Variants in U2AF1L4 observed in about 807,000 individuals in gnomAD.
U2AF1L4 encodes the protein splicing factor U2AF 26 kDa subunit.
Under a neutral mutation model 21.7 loss-of-function variants are expected in U2AF1L4, and 21 were observed. The ratio of observed to expected loss-of-function variants is 0.97; its 90% CI spans 0.69 to 1.39. The LOEUF (loss-of-function observed/expected upper bound fraction) is 1.39. Among genes scored for constraint, U2AF1L4 ranks in the 40% most tolerant of loss-of-function variants. U2AF1L4 has a pLI of 0.00. For synonymous variants in U2AF1L4, 92 were observed against 89.7 expected (o/e 1.03, Z -0.15); for missense variants, 259 against 245.7 (o/e 1.05, Z -0.36).
intron 2 of U2AF1L4, 23 bp from the exon 3 acceptor site, chr19:35,744,444 C>T: frequency 1.2e-6 from 2 of 1,614,090 alleles, no homozygotes; most frequent in Non-Finnish European, 1.7e-6. Context: ...GGGAGGAACT[C>T]AGCTGAGCTC....
Position 35,744,320 on chromosome 19 carries a change from C to T in U2AF1L4, c.231+3G>A. On this transcript the variant is annotated splice_donor_region_variant and intron_variant, in intron 3 of 5. Transcript: ENST00000378975. ...TGGGCCCTAAGTGGGGGGCAGCAAG[C>T]ACCTTGACATAGACGTTGCCCACGA... The T allele has an allele frequency of 6.2e-7, 1 of 1,614,062 alleles. No individual in the cohort carries two copies. Among genetic ancestry groups the T allele is most frequent in the Non-Finnish European group, 8.5e-7 (1 of 1,179,986 alleles).
chr19:35,745,309 C>T (rs1475824154), intron 1 of U2AF1L4, 39 bp downstream of exon 1: 10 of 1,601,044 alleles, frequency 6.2e-6, no homozygotes, highest in South Asian at 1.1e-5. Context: ...TACCCCGGCC[C>T]CGACCCCCCG....
rs996778934 is a variant in U2AF1L4, at chr19:35,744,837, C to T, written c.132+288G>A. The T allele has an allele frequency of 3.7e-5, 36 of 985,636 alleles. 1 individual carries two copies. Among genetic ancestry groups the T allele is most frequent in the South Asian group, 5.9e-5 (4 of 68,268 alleles). 61.1% of individuals were successfully genotyped at this position (985,636 alleles called of 1,614,324 possible). ...TCGGCGATCCTTTGCCCCTAAGAAA[C>T]CAGAAAAGGGATGGAGGGGACTGGC... On this transcript the variant is annotated intron_variant, in intron 2 of 5. Coordinates refer to ENST00000378975, the MANE Select transcript of U2AF1L4 (RefSeq NM_001040425.3).
At position 35,744,506 on chromosome 19, in the gene U2AF1L4, A is replaced by G. The variant is rs1970470204; in HGVS notation, c.133-85T>C. The G allele has an allele frequency of 3.1e-6, 5 of 1,608,244 alleles. No individual in the cohort carries two copies. The South Asian group carries it at 4.4e-5, about 14-fold the overall frequency. On this transcript the variant is annotated intron_variant, in intron 2 of 5. Transcript: ENST00000378975. The stretch of plus-strand genomic sequence containing the variant: ...CAACCCTCACCTCGAAGAAGCTATC[A>G]TAGTGCTCCTGCACCTCCACGTCAC...
rs780697850 is a variant in U2AF1L4 at position 35,745,404 on chromosome 19, C to T, written c.-13G>A. 3.7e-6 allele frequency: 6 copies of T among 1,614,182 alleles called. No homozygotes were observed. Among genetic ancestry groups the T allele is most frequent in the African/African-American group, 1.3e-5 (1 of 75,054 alleles). On this transcript the variant is annotated 5_prime_UTR_variant, in exon 1 of 6. Transcript: ENST00000378975. ...AATATTCAGCCATTTTTACCCAAGC[C>T]CTCCAGGTCTGGCTGCTCTTACGTC...
Position 35,745,134 on chromosome 19 carries a change from T to C in U2AF1L4, c.123A>G (p.Thr41=). Residue 41 remains threonine, a synonymous_variant, in exon 2 of 6, where the codon ACA becomes ACG. Coordinates refer to ENST00000378975, the MANE Select transcript of U2AF1L4 (RefSeq NM_001040425.3). The stretch of plus-strand genomic sequence containing the variant: ...CCGTGCCGGGTCTCACCTGGCTGAA[T>C]GTCGGCTTGTTGTGAAGCCGGGAGC... ...DRCSRLHNKP[T]FSQEVFTELQ... 1 of 1,613,308 alleles carries C rather than the reference T, an allele frequency of 6.2e-7. No individual in the cohort carries two copies.
rs202218746 is a variant in U2AF1L4 at position 35,742,709 on chromosome 19, G to T, written c.*10C>A. ...CCCTGTTGGGGGTGAAGGGTAAGGG[G>T]GCCAGGGCCTCAGAAGCGGCCATGC... On this transcript the variant is annotated 3_prime_UTR_variant, in exon 6 of 6. Transcript: ENST00000378975. 4 of 1,610,894 alleles carry T rather than the reference G, an allele frequency of 2.5e-6. No homozygotes were observed. The South Asian group carries it at 4.4e-5, about 18-fold the overall frequency.
At position 35,744,086 on chromosome 19, in the gene U2AF1L4, G is replaced by A. The variant is rs753895506; in HGVS notation, c.291C>T (p.Asn97=). The part of the protein sequence containing the change: ...AVAELSNRWF[N]GQAVHGELSP... ...ACAGCTCACCGTGCACAGCCTGCCCGTTGAACCAGCGGTTACTGAGTTCAG... is the reference window on the plus strand; with the variant it reads ...ACAGCTCACCGTGCACAGCCTGCCCATTGAACCAGCGGTTACTGAGTTCAG... The change falls in exon 4 of 6, where the codon AAC becomes AAT. Residue 97 remains asparagine (N), a synonymous_variant. Coordinates refer to ENST00000378975, the MANE Select transcript of U2AF1L4 (RefSeq NM_001040425.3). 4.3e-6 allele frequency: 7 copies of A among 1,613,862 alleles called. No homozygotes were observed. The highest frequency in any genetic ancestry group is 2.7e-5 in the African/African-American group (2 of 74,892).
rs573498199 is a variant in U2AF1L4, at chr19:35,745,414, T to G, written c.-23A>C. ...CATTTTTACCCAAGCCCTCCAGGTC[T>G]GGCTGCTCTTACGTCACTTCCGTTG... is the stretch of plus-strand genomic sequence containing the variant. On this transcript the variant is annotated 5_prime_UTR_variant, in exon 1 of 6. Transcript: ENST00000378975. 1 of 1,614,194 alleles carries G rather than the reference T, an allele frequency of 6.2e-7. No individual in the cohort carries two copies. Among genetic ancestry groups the G allele is most frequent in the African/African-American group, 1.3e-5 (1 of 75,070 alleles).
intron 2 of U2AF1L4, 166 bp downstream of exon 2, chr19:35,744,959 G>T: frequency 2.6e-6 from 2 of 768,440 alleles, no homozygotes; most frequent in South Asian, 1.8e-5. Context: ...CGGGAAAACG[G>T]CACGAAGACC....
At chr19:35,745,065 G>T in intron 2 of U2AF1L4, 60 bp downstream of exon 2, 1 of 1,522,114 alleles carries the variant, frequency 6.6e-7, no homozygotes. Context: ...GGTGACGACG[G>T]CCCCAGAAGG....
chr19:35,745,074 G>T (rs1295338456), intron 2 of U2AF1L4, 51 bp downstream of exon 2: 2 of 1,562,726 alleles, frequency 1.3e-6, no homozygotes, highest in Non-Finnish European at 1.8e-6. Flanking sequence ...GGCCCCAGAA[G>T]GGGAAGGGCC....
rs231597 is a variant in U2AF1L4 at position 35,745,219 on chromosome 19, A to G, written c.45-7T>C. ...GTAAAAAGAGCAGTTAACCCTGGAA[A>G]AGGTGCAAAGACAAAGGTGAACCGA... On this transcript the variant is annotated splice_polypyrimidine_tract_variant and splice_region_variant and intron_variant, in intron 1 of 5. Transcript: ENST00000378975. 0.95 allele frequency: 1,532,365 copies of G among 1,613,270 alleles called. 728,271 individuals are homozygous for G. Among genetic ancestry groups the G allele is most frequent in the East Asian group, 1 (44,862 of 44,864 alleles).
chr19:35,743,330 G>A (rs1397262514), intron 5 of U2AF1L4: 7 of 225,526 alleles, frequency 3.1e-5, no homozygotes, highest in Admixed American at 7.3e-5. Flanking sequence ...CCAAGACTGC[G>A]CCTTTGCACT....
chr19:35,744,241 T>A, intron 3 of U2AF1L4, 82 bp downstream of exon 3: 1 of 1,606,610 alleles, frequency 6.2e-7, no homozygotes, highest in Non-Finnish European at 8.5e-7. Flanking sequence ...AGTGATGAAA[T>A]TCAAGCTGAG....
chr19:35,745,123 A>AG lies in U2AF1L4; in HGVS notation c.132+1_132+2insC, dbSNP rs1970511204. The AG allele has an allele frequency of 6.2e-7, 1 of 1,612,870 alleles. No homozygotes were observed. Among genetic ancestry groups the AG allele is most frequent in the African/African-American group, 1.3e-5 (1 of 74,924 alleles). The stretch of plus-strand genomic sequence containing the variant: ...CCCCCGAGGCTCCGTGCCGGGTCTC[A>AG]CCTGGCTGAATGTCGGCTTGTTGTG... On this transcript the variant is annotated splice_donor_variant, in intron 2 of 5. Coordinates refer to ENST00000378975, the MANE Select transcript of U2AF1L4 (RefSeq NM_001040425.3). LOFTEE classifies it high-confidence loss of function.
Position 35,745,180 on chromosome 19 carries a change from A to C in U2AF1L4, c.77T>G (p.Val26Gly), listed in dbSNP as rs750470651. ...VNCSFYFKIG[V>G]CRHGDRCSRL... ...GGAGCACCGGTCCCCGTGCCGGCAG[A>C]CCCCGATCTTAAAGTAAAAAGAGCA... Residue 26 changes from valine to glycine, a missense_variant, in exon 2 of 6, where the codon GTC (valine) becomes GGC (glycine). Transcript: ENST00000378975. The C allele has an allele frequency of 5.0e-6, 8 of 1,613,638 alleles. No homozygotes were observed. Among genetic ancestry groups the C allele is most frequent in the Non-Finnish European group, 6.8e-6 (8 of 1,179,976 alleles).
At chr19:35,743,143 T>C (rs1405327573) in intron 5 of U2AF1L4, 7 of 340,486 alleles carry the variant, frequency 2.1e-5, no homozygotes, top group Non-Finnish European at 3.8e-5. Context: ...GAGGCCGAGA[T>C]GGGTGGATTA....
intron 5 of U2AF1L4, chr19:35,743,020 G>C: frequency 1.6e-6 from 1 of 607,552 alleles, no homozygotes; most frequent in Non-Finnish European, 2.9e-6. Flanking sequence ...GCTGGTTTGG[G>C]GATTGGGACT....
Sources: gnomAD v4.1 joint callset for allele counts on GRCh38, gnomAD v4.1.1 for gene constraint, MANE v1.5 for transcripts, NCBI Gene and HGNC (gene_info 2026-07-23, HGNC 2026-07-21) for gene names.